The following EPHA7 variants were observed in gnomAD, a reference collection of about 807,000 sequenced individuals.
EPHA7 encodes the protein ephrin type-A receptor 7.
Under a neutral mutation model 112.6 loss-of-function variants are expected in EPHA7, and 25 were observed. That is an observed-to-expected ratio of 0.22 (90% CI 0.16 to 0.31). The LOEUF is 0.31. Among genes scored for constraint, EPHA7 ranks in the 10% least tolerant of loss-of-function variants. EPHA7 has a pLI of 1.00. For synonymous variants in EPHA7, 437 were observed against 406.5 expected (o/e 1.07, Z -0.90); for missense variants, 962 against 1,212.6 (o/e 0.79, Z 3.07).
intron 5 of EPHA7, among the ~76,000 whole-genome samples, chr6:93,282,666 G>A (rs991864457): frequency 1.3e-5 from 2 of 152,146 alleles, no homozygotes; most frequent in Non-Finnish European, 2.9e-5. Context: ...GCAGGCAGGA[G>A]CTGGGGCTGC....
At chr6:93,296,417 A>G (rs1267523419) in intron 5 of EPHA7, among the ~76,000 whole-genome samples, 1 of 147,512 alleles carries the variant, frequency 6.8e-6, no homozygotes, top group Non-Finnish European at 1.5e-5. Context: ...TAAACTATTC[A>G]TAGCATATAT....
At chr6:93,384,646 A>G (rs1298462496) in intron 3 of EPHA7, among the ~76,000 whole-genome samples, 1 of 152,282 alleles carries the variant, frequency 6.6e-6, no homozygotes, top group East Asian at 1.9e-4. Flanking sequence ...GTGCCCTCAC[A>G]GGATCGCACA....
chr6:93,406,850 T>C (rs1391247258), intron 3 of EPHA7, among the ~76,000 whole-genome samples: 1 of 151,928 alleles, frequency 6.6e-6, no homozygotes, highest in East Asian at 1.9e-4. Context: ...TATTTACATA[T>C]GTAAAATATA....
At chr6:93,405,584 T>C (rs1424300616) in intron 3 of EPHA7, among the ~76,000 whole-genome samples, 1 of 151,478 alleles carries the variant, frequency 6.6e-6, no homozygotes, top group East Asian at 1.9e-4. Context: ...TTTTAGGATT[T>C]GTACATACAT....
chr6:93,361,625 T>A (rs1776265421), intron 3 of EPHA7, among the ~76,000 whole-genome samples: 1 of 152,080 alleles, frequency 6.6e-6, no homozygotes, highest in Non-Finnish European at 1.5e-5. Flanking sequence ...ATTTCTCCTC[T>A]CTCTAAATGC....
chr6:93,248,250 T>C (rs895769494), intron 14 of EPHA7, among the ~76,000 whole-genome samples: 22 of 152,062 alleles, frequency 1.4e-4, no homozygotes, highest in African/African-American at 5.1e-4. Context: ...CATTCAAAAA[T>C]AGCACCTTAA....
At chr6:93,414,881 GTTAT>G (rs1779150405) in intron 1 of EPHA7, 114 bp from the exon 2 acceptor site, 2 of 770,700 alleles carry the variant, frequency 2.6e-6, no homozygotes, top group African/African-American at 3.5e-5. Flanking sequence ...AAGATCTGTA[GTTAT>G]TTATGTAAAT....
chr6:93,372,732 T>C (rs1242513083), intron 3 of EPHA7, among the ~76,000 whole-genome samples: 1 of 152,106 alleles, frequency 6.6e-6, no homozygotes, highest in Non-Finnish European at 1.5e-5. Context: ...TTTCTGTTTG[T>C]TGATGAAATG....
intron 3 of EPHA7, among the ~76,000 whole-genome samples, chr6:93,369,265 C>T (rs544286679): frequency 2.0e-5 from 3 of 151,618 alleles, no homozygotes; most frequent in Non-Finnish European, 2.9e-5. Context: ...AGAATTCTGA[C>T]TGTATTTTCA....
At chr6:93,350,661 C>G (rs1022360163) in intron 5 of EPHA7, among the ~76,000 whole-genome samples, 22 of 151,990 alleles carry the variant, frequency 1.4e-4, no homozygotes, top group African/African-American at 4.8e-4. Context: ...TCTCCACACC[C>G]TGATGGCAGA....
intron 5 of EPHA7, among the ~76,000 whole-genome samples, chr6:93,332,377 G>C (rs1774638612): frequency 6.6e-6 from 1 of 151,634 alleles, no homozygotes; most frequent in African/African-American, 2.4e-5. Flanking sequence ...TATATTTCTA[G>C]TAAGTACTAT....
At chr6:93,384,325 C>T (rs1223125228) in intron 3 of EPHA7, among the ~76,000 whole-genome samples, 2 of 152,062 alleles carry the variant, frequency 1.3e-5, no homozygotes, top group African/African-American at 2.4e-5. Flanking sequence ...AAGTTGTTGC[C>T]TTCAGCCTCT....
At chr6:93,413,781 A>G (rs1779092698) in intron 2 of EPHA7, among the ~76,000 whole-genome samples, 1 of 151,916 alleles carries the variant, frequency 6.6e-6, no homozygotes, top group South Asian at 2.1e-4. Context: ...TCAGTTCCTG[A>G]CATGCTGATT....
At chr6:93,251,904 C>G (rs1386275) in intron 14 of EPHA7, among the ~76,000 whole-genome samples, 98,315 of 151,856 alleles carry the variant, frequency 0.65, 32,881 homozygotes, top group South Asian at 0.83. Flanking sequence ...TTAATTGCAA[C>G]TAACTGAATC....
chr6:93,320,443 C>T (rs1774012164), intron 5 of EPHA7, among the ~76,000 whole-genome samples: 1 of 151,926 alleles, frequency 6.6e-6, no homozygotes, highest in African/African-American at 2.4e-5. Flanking sequence ...ACCAAATATG[C>T]TTTGCTATTT....
intron 5 of EPHA7, among the ~76,000 whole-genome samples, chr6:93,332,023 T>A (rs1036968685): frequency 1.3e-5 from 2 of 151,656 alleles, no homozygotes; most frequent in Non-Finnish European, 3.0e-5. Flanking sequence ...CCTGACATTG[T>A]TAGGTGCTTG....
chr6:93,327,891 C>T (rs181536357), intron 5 of EPHA7, among the ~76,000 whole-genome samples: 80 of 151,534 alleles, frequency 5.3e-4, no homozygotes, highest in Admixed American at 1.3e-3. Context: ...GTCATTCTTC[C>T]GTTTAAATCC....
At chr6:93,369,388 G>T (rs1023838292) in intron 3 of EPHA7, among the ~76,000 whole-genome samples, 5 of 151,998 alleles carry the variant, frequency 3.3e-5, no homozygotes, top group Non-Finnish European at 7.4e-5. Flanking sequence ...TACTAACTTT[G>T]CATCCATAGA....
chr6:93,383,242 ACAATGACT>A (rs1184364980), intron 3 of EPHA7, among the ~76,000 whole-genome samples: 3 of 148,696 alleles, frequency 2.0e-5, no homozygotes, highest in Non-Finnish European at 1.5e-5. Flanking sequence ...TATAAAATAT[ACAATGACT>A]TATATTGGAA....
Sources: gnomAD v4.1 joint callset for allele counts (sites outside exome capture counted in the v4.1 genomes callset) on GRCh38, gnomAD v4.1.1 for gene constraint, MANE v1.5 for transcripts, NCBI Gene and HGNC (gene_info 2026-07-23, HGNC 2026-07-21) for gene names.